Variants in RBFOX1 observed in about 807,000 individuals in gnomAD.
RBFOX1 encodes the protein RNA binding fox-1 homolog 1.
RBFOX1 carries 8 observed loss-of-function variants against 57.7 expected under a neutral mutation model. That is an observed-to-expected ratio of 0.14 (90% CI 0.08 to 0.25). RBFOX1 has a LOEUF of 0.25. Ranked by LOEUF, RBFOX1 falls within the 10% of genes least tolerant of loss-of-function variation. The probability of loss-of-function intolerance (pLI) is 1.00; values close to 1 mark genes in which losing one functional copy is unlikely to be tolerated. For synonymous variants in RBFOX1, 326 were observed against 222.4 expected (o/e 1.47, Z -4.15); for missense variants, 611 against 548.5 (o/e 1.11, Z -1.14).
chr16:6,386,325 G>A (rs555546711), intron 2 of RBFOX1, among the ~76,000 whole-genome samples: 5 of 152,116 alleles, frequency 3.3e-5, no homozygotes, highest in Non-Finnish European at 5.9e-5. Context: ...ACCAATACCC[G>A]TAAAGGTCAT....
intron 5 of RBFOX1, among the ~76,000 whole-genome samples, chr16:7,557,346 G>A (rs920222500): frequency 1.3e-5 from 2 of 152,094 alleles, no homozygotes; most frequent in Non-Finnish European, 2.9e-5. Flanking sequence ...ACAGCCGGGT[G>A]TGGTGGCTTT....
At chr16:7,379,073 G>C (rs2097737902) in intron 4 of RBFOX1, among the ~76,000 whole-genome samples, 1 of 152,166 alleles carries the variant, frequency 6.6e-6, no homozygotes, top group Non-Finnish European at 1.5e-5. Context: ...TAGAAATGTA[G>C]TACTGGGTAT....
At chr16:6,426,711 C>T (rs906041933) in intron 2 of RBFOX1, among the ~76,000 whole-genome samples, 1 of 152,194 alleles carries the variant, frequency 6.6e-6, no homozygotes, top group African/African-American at 2.4e-5. Context: ...CCCATTGAGA[C>T]AGAAGCAATT....
At chr16:6,794,059 C>A (rs185565973) in intron 3 of RBFOX1, among the ~76,000 whole-genome samples, 1 of 152,056 alleles carries the variant, frequency 6.6e-6, no homozygotes, top group Non-Finnish European at 1.5e-5. Flanking sequence ...CAGGAGTCAA[C>A]ATACTGCCCA....
At chr16:6,225,328 G>T (rs1169592560) in intron 1 of RBFOX1, among the ~76,000 whole-genome samples, 1 of 152,108 alleles carries the variant, frequency 6.6e-6, no homozygotes, top group South Asian at 2.1e-4. Context: ...TATAACTTGC[G>T]TATCTTCTAA....
intron 4 of RBFOX1, among the ~76,000 whole-genome samples, chr16:7,173,738 T>C (rs1050990659): frequency 6.6e-6 from 1 of 152,200 alleles, no homozygotes; most frequent in Admixed American, 6.5e-5. Context: ...ACTAATTCCA[T>C]AGGCCCATCT....
At chr16:7,126,313 G>T in intron 4 of RBFOX1, 1 of 311,624 alleles carries the variant, frequency 3.2e-6, no homozygotes, top group Non-Finnish European at 6.2e-6. Context: ...TTTGGTGGGG[G>T]TCATGGGGCA....
At chr16:6,901,146 T>G (rs943267769) in intron 3 of RBFOX1, among the ~76,000 whole-genome samples, 1 of 152,164 alleles carries the variant, frequency 6.6e-6, no homozygotes, top group Non-Finnish European at 1.5e-5. Context: ...TTAGACTGTC[T>G]CTTTCATGTC....
chr16:6,975,504 T>C (rs1347660781), intron 3 of RBFOX1, among the ~76,000 whole-genome samples: 3 of 152,072 alleles, frequency 2.0e-5, no homozygotes, highest in Admixed American at 1.3e-4. Flanking sequence ...TGACCTCAAG[T>C]GATCTGCCTA....
intron 2 of RBFOX1, among the ~76,000 whole-genome samples, chr16:6,399,952 C>T (rs1389742326): frequency 6.6e-6 from 1 of 152,122 alleles, no homozygotes; most frequent in Non-Finnish European, 1.5e-5. Context: ...ATCACGAGTA[C>T]AGCATGAGGG....
At chr16:7,650,512 T>A (rs2064812196) in intron 11 of RBFOX1, among the ~76,000 whole-genome samples, 1 of 152,266 alleles carries the variant, frequency 6.6e-6, no homozygotes, top group South Asian at 2.1e-4. Flanking sequence ...CTCCCTGTAA[T>A]GAAGAGGGTA....
intron 3 of RBFOX1, chr16:6,723,617 A>G (rs140302740): frequency 6.6e-6 from 1 of 152,286 alleles, no homozygotes; most frequent in African/African-American, 2.4e-5. Context: ...CCTGTTGTAT[A>G]TTGTGATCTT....
chr16:6,787,723 T>C, intron 3 of RBFOX1, among the ~76,000 whole-genome samples: 1 of 152,182 alleles, frequency 6.6e-6, no homozygotes, highest in Non-Finnish European at 1.5e-5. Flanking sequence ...TAAACCAAGC[T>C]GCAAATGAGC....
At chr16:5,774,070 G>T (rs1000787398) in intron 3 of RBFOX1, among the ~76,000 whole-genome samples, 1 of 152,142 alleles carries the variant, frequency 6.6e-6, no homozygotes. Context: ...CACCAACAAT[G>T]TGATGTCTGC....
intron 2 of RBFOX1, among the ~76,000 whole-genome samples, chr16:6,386,586 A>G (rs994108414): frequency 2.6e-5 from 4 of 152,236 alleles, no homozygotes; most frequent in African/African-American, 9.6e-5. Context: ...AAAAATAAAT[A>G]AAGCCATCAC....
chr16:5,646,111 A>G (rs1460569630), intron 3 of RBFOX1, among the ~76,000 whole-genome samples: 3 of 151,092 alleles, frequency 2.0e-5, no homozygotes, highest in Non-Finnish European at 2.9e-5. Context: ...CTCACTGCAA[A>G]CTCTGCCTCC....
At chr16:5,665,794 G>A (rs2049824165) in intron 3 of RBFOX1, among the ~76,000 whole-genome samples, 1 of 152,204 alleles carries the variant, frequency 6.6e-6, no homozygotes, top group South Asian at 2.1e-4. Context: ...GCACAGTCGT[G>A]CTCCCGGGTT....
At chr16:6,004,670 C>T (rs1248250930) in intron 4 of RBFOX1, among the ~76,000 whole-genome samples, 1 of 152,162 alleles carries the variant, frequency 6.6e-6, no homozygotes, top group South Asian at 2.1e-4. Context: ...CTATTTAATG[C>T]CCCTTGCCTT....
chr16:7,090,819 A>T (rs1262267653), intron 4 of RBFOX1, among the ~76,000 whole-genome samples: 1 of 152,080 alleles, frequency 6.6e-6, no homozygotes, highest in Non-Finnish European at 1.5e-5. Flanking sequence ...TTTACTGAGG[A>T]TGTGATCTGA....
Sources: allele counts gnomAD v4.1 joint callset (sites outside exome capture counted in the v4.1 genomes callset), GRCh38; gene constraint gnomAD v4.1.1; transcripts MANE v1.5; gene names NCBI Gene and HGNC (gene_info 2026-07-23, HGNC 2026-07-21).